The following NFIA variants were observed in gnomAD, a reference collection of about 807,000 sequenced individuals.
NFIA encodes the protein nuclear factor I A, also known as nuclear factor 1 A-type.
Under a neutral mutation model 62.8 loss-of-function variants are expected in NFIA, and 8 were observed. That is an observed-to-expected ratio of 0.13 (90% CI 0.07 to 0.23). The LOEUF is 0.23. Ranked by LOEUF, NFIA falls within the 10% of genes least tolerant of loss-of-function variation. The pLI is 1.00. For missense variants in NFIA, 410 were observed against 642.1 expected (o/e 0.64, Z 3.91); for synonymous variants, 235 against 238.1 (o/e 0.99, Z 0.12).
intron 2 of NFIA, among the ~76,000 whole-genome samples, chr1:61,171,073 T>G (rs778102644): frequency 1.3e-5 from 2 of 152,196 alleles, no homozygotes; most frequent in Non-Finnish European, 2.9e-5. Flanking sequence ...TAATACTTAG[T>G]ATAAAGCCTT....
chr1:61,436,996 A>G (rs1323013691), intron 10 of NFIA, among the ~76,000 whole-genome samples: 1 of 152,182 alleles, frequency 6.6e-6, no homozygotes, highest in Non-Finnish European at 1.5e-5. Context: ...TGTGTTTCTC[A>G]CCCTCAACAC....
chr1:61,433,893 G>A (rs947275619), intron 10 of NFIA, among the ~76,000 whole-genome samples: 1 of 152,136 alleles, frequency 6.6e-6, no homozygotes, highest in East Asian at 1.9e-4. Flanking sequence ...GGAAGGACTT[G>A]TGTATAAGCC....
chr1:61,109,105 GT>G (rs1295358519), intron 2 of NFIA, among the ~76,000 whole-genome samples: 3 of 151,718 alleles, frequency 2.0e-5, no homozygotes, highest in African/African-American at 7.3e-5. Flanking sequence ...AAAATGTCTG[GT>G]TTGCATGGGT....
chr1:61,394,518 T>C (rs1224996049), intron 7 of NFIA, among the ~76,000 whole-genome samples: 1 of 152,100 alleles, frequency 6.6e-6, no homozygotes, highest in East Asian at 1.9e-4. Context: ...GATAAGAAAC[T>C]GTAGGTTTGG....
At chr1:61,395,344 G>T (rs1665214981) in intron 7 of NFIA, among the ~76,000 whole-genome samples, 1 of 149,694 alleles carries the variant, frequency 6.7e-6, no homozygotes, top group Non-Finnish European at 1.5e-5. Flanking sequence ...TCCAGCACTT[G>T]GTCGTTACGC....
chr1:61,445,765 A>T (rs1272862427), intron 10 of NFIA, among the ~76,000 whole-genome samples: 2 of 152,194 alleles, frequency 1.3e-5, no homozygotes. Flanking sequence ...TCATGTAATT[A>T]TGCTCCTTAC....
At chr1:61,100,015 G>C (rs185701554) in intron 2 of NFIA, among the ~76,000 whole-genome samples, 12 of 152,242 alleles carry the variant, frequency 7.9e-5, no homozygotes, top group Non-Finnish European at 1.3e-4. Context: ...CAGTATGTTA[G>C]ACTTGAAACT....
chr1:61,093,367 A>G (rs1646354378), intron 2 of NFIA, among the ~76,000 whole-genome samples: 1 of 152,170 alleles, frequency 6.6e-6, no homozygotes, highest in Admixed American at 6.5e-5. Flanking sequence ...TATACACTGT[A>G]TATTGTAAAA....
chr1:61,334,947 A>G (rs1661522145), intron 4 of NFIA, among the ~76,000 whole-genome samples: 2 of 152,104 alleles, frequency 1.3e-5, no homozygotes, highest in African/African-American at 4.8e-5. Flanking sequence ...TGGTCAGTCT[A>G]AGATAGCTTG....
intron 6 of NFIA, among the ~76,000 whole-genome samples, chr1:61,378,697 A>G (rs570993450): frequency 3.3e-5 from 5 of 152,308 alleles, no homozygotes; most frequent in African/African-American, 1.2e-4. Context: ...CAAGGCTGCA[A>G]TGAGAATTTT....
chr1:61,082,365 A>G, upstream of NFIA: 1 of 512,240 alleles, frequency 2.0e-6, no homozygotes, highest in South Asian at 8.1e-5. Context: ...CCCCTCCCCC[A>G]CACCCCCTCC....
At chr1:61,354,806 A>G (rs1392585974) in intron 5 of NFIA, among the ~76,000 whole-genome samples, 1 of 152,124 alleles carries the variant, frequency 6.6e-6, no homozygotes, top group Non-Finnish European at 1.5e-5. Flanking sequence ...TTTGAGGCCA[A>G]CACGTGTGCA....
chr1:61,357,110 G>A (rs539349468), intron 5 of NFIA, among the ~76,000 whole-genome samples: 5 of 152,288 alleles, frequency 3.3e-5, no homozygotes, highest in South Asian at 2.1e-4. Flanking sequence ...CTTCTCACTC[G>A]CTGTGCCCCT....
chr1:61,200,940 A>G (rs563238593), intron 2 of NFIA, among the ~76,000 whole-genome samples: 4 of 152,346 alleles, frequency 2.6e-5, no homozygotes, highest in East Asian at 1.9e-4. Context: ...TCTGTCATCT[A>G]TAATCTTTTC....
At position 61,275,393 on chromosome 1, in the gene NFIA, A is replaced by T. The variant is rs577918174; in HGVS notation, c.560-2127A>T. On this transcript the variant is annotated intron_variant, in intron 2 of 10. Coordinates refer to ENST00000403491, the MANE Select transcript of NFIA (RefSeq NM_001134673.4). ...AAAGAAGTCTGCTTTCAGATTAAAT[A>T]AAAAAAATTTAGGGTCTTTCCTGAT... 1.2e-4 allele frequency among the ~76,000 whole-genome samples: 18 copies of T among 152,262 alleles called. No individual in the cohort carries two copies. In the East Asian group the frequency reaches 1.5e-3, roughly 13 times the overall value.
intron 10 of NFIA, among the ~76,000 whole-genome samples, chr1:61,426,996 AAAAG>A (rs1208942932): frequency 5.3e-5 from 8 of 152,158 alleles, no homozygotes; most frequent in African/African-American, 1.9e-4. Context: ...CAAGCTTTCT[AAAAG>A]AAAGAGGGAG....
intron 2 of NFIA, among the ~76,000 whole-genome samples, chr1:61,094,987 GAAA>G (rs1004258376): frequency 3.3e-5 from 5 of 152,280 alleles, no homozygotes; most frequent in African/African-American, 9.6e-5. Context: ...ATAAAACTGA[GAAA>G]AAGAAGTTCA....
chr1:61,300,918 T>C (rs1350550479), intron 3 of NFIA, among the ~76,000 whole-genome samples: 1 of 151,900 alleles, frequency 6.6e-6, no homozygotes, highest in Non-Finnish European at 1.5e-5. Flanking sequence ...AGTAGAAAGG[T>C]AAAAATCAGA....
In NFIA at chr1:61,082,580, T is replaced by A. The variant is rs896767125; in HGVS notation, c.-212T>A. 143 of 1,476,332 alleles carry A rather than the reference T, an allele frequency of 9.7e-5. No individual in the cohort carries two copies. The highest frequency in any genetic ancestry group is 1.3e-4 in the Non-Finnish European group (139 of 1,109,146). The allele number at this position is 1,476,332 out of a possible 1,614,324, so 91.5% of individuals were successfully genotyped here. On this transcript the variant is annotated 5_prime_UTR_variant, in exon 1 of 11. The change abolishes an upstream ATG in the 5' untranslated region. Coordinates refer to ENST00000403491, the MANE Select transcript of NFIA (RefSeq NM_001134673.4). ...CTAGGCGGGGTTAAAGTTCAGCTCATGGAGCGGCAATAGCGCTGGCTGGCT... is the reference window on the plus strand; with the variant it reads ...CTAGGCGGGGTTAAAGTTCAGCTCAAGGAGCGGCAATAGCGCTGGCTGGCT...
Sources: gnomAD v4.1 joint callset for allele counts (sites outside exome capture counted in the v4.1 genomes callset) on GRCh38, gnomAD v4.1.1 for gene constraint, MANE v1.5 for transcripts, NCBI Gene and HGNC (gene_info 2026-07-23, HGNC 2026-07-21) for gene names.